The following WNT9A variants were observed in gnomAD, a reference collection of about 807,000 sequenced individuals.
WNT9A encodes Wnt family member 9A.
WNT9A carries 8 observed loss-of-function variants against 31.4 expected under a neutral mutation model. The observed-to-expected ratio is 0.26, with a 90% confidence interval of 0.15 to 0.46. WNT9A has a LOEUF of 0.46. WNT9A is among the 20% of genes least tolerant of loss of function. WNT9A has a pLI of 0.99. For synonymous variants in WNT9A, 236 were observed against 220.1 expected (o/e 1.07, Z -0.64); for missense variants, 457 against 522.9 (o/e 0.87, Z 1.23).
At chr1:227,945,222 C>G (rs768747209) in intron 1 of WNT9A, among the ~76,000 whole-genome samples, 2 of 152,242 alleles carry the variant, frequency 1.3e-5, no homozygotes. Context: ...TGAGTCTGTA[C>G]CCCAAGCCCT....
At chr1:227,923,880 T>C (rs1370848754) in intron 3 of WNT9A, among the ~76,000 whole-genome samples, 1 of 152,126 alleles carries the variant, frequency 6.6e-6, no homozygotes, top group African/African-American at 2.4e-5. Flanking sequence ...CAGGCAGACA[T>C]GGGGTACCCC....
In WNT9A at chr1:227,921,830, G is replaced by A. The variant is rs756129922; in HGVS notation, c.786C>T (p.Gly262=). 3.2e-5 allele frequency: 52 copies of A among 1,612,952 alleles called. No homozygotes were observed. The highest frequency in any genetic ancestry group is 4.0e-5 in the African/African-American group (3 of 74,942). Reference sequence around the variant, plus strand: ...GTGGTGGGGAGATGGCACCTGCCTCGCCGGCAGCTTCATTGGTGGTGCTGC... The same window carrying A: ...GTGGTGGGGAGATGGCACCTGCCTCACCGGCAGCTTCATTGGTGGTGCTGC... ...KVGSTTNEAA[G]EAGAISPPRG... Residue 262 remains glycine, a synonymous_variant, in exon 4 of 4, where the codon GGC becomes GGT. Transcript: ENST00000272164.
chr1:227,927,200 G>T (rs1445900953), intron 1 of WNT9A, among the ~76,000 whole-genome samples: 3 of 152,196 alleles, frequency 2.0e-5, no homozygotes, highest in Non-Finnish European at 4.4e-5. Flanking sequence ...GAACCACCAA[G>T]AGGTGCTGCA....
chr1:227,931,717 CATAT>C, intron 1 of WNT9A, among the ~76,000 whole-genome samples: 1 of 152,246 alleles, frequency 6.6e-6, no homozygotes, highest in Middle Eastern at 3.4e-3. Context: ...AAAAATAATA[CATAT>C]ACTTTAGTTA....
At chr1:227,929,969 T>A (rs1033094527) in intron 1 of WNT9A, among the ~76,000 whole-genome samples, 4 of 152,176 alleles carry the variant, frequency 2.6e-5, no homozygotes, top group Non-Finnish European at 4.4e-5. Context: ...GTGAGCAGCA[T>A]ACTTCTGTGT....
rs772729037 is a variant in WNT9A at position 227,921,798 on chromosome 1, C to T, written c.818G>A (p.Arg273His). 34 of 1,612,472 alleles carry T rather than the reference C, an allele frequency of 2.1e-5. No homozygotes were observed. The highest frequency in any genetic ancestry group is 1.6e-4 in the Middle Eastern group (1 of 6,082). ...EAGAISPPRG[R>H]ASGAGGSDPL... ...GTCGCTGCCACCTGCCCCCGAGGCA[C>T]GGCCCCGTGGTGGGGAGATGGCACC... The change falls in exon 4 of 4, where the codon CGT becomes CAT. Residue 273 changes from arginine to histidine, a missense_variant. By Grantham distance (29) the Arg-to-His change is conservative (BLOSUM62 0). Transcript: ENST00000272164.
At chr1:227,937,807 C>T (rs1048032296) in intron 1 of WNT9A, among the ~76,000 whole-genome samples, 2 of 152,254 alleles carry the variant, frequency 1.3e-5, no homozygotes, top group Non-Finnish European at 2.9e-5. Context: ...GCCAGCCAGT[C>T]TGTGGTGCCT....
chr1:227,938,996 G>A (rs930303183), intron 1 of WNT9A, among the ~76,000 whole-genome samples: 3 of 152,160 alleles, frequency 2.0e-5, no homozygotes, highest in African/African-American at 7.2e-5. Flanking sequence ...TGCTCTCCCC[G>A]GTGAAGGGCC....
intron 3 of WNT9A, among the ~76,000 whole-genome samples, chr1:227,923,278 G>C (rs995227328): frequency 6.6e-6 from 1 of 152,166 alleles, no homozygotes; most frequent in African/African-American, 2.4e-5. Context: ...TACATTCCCA[G>C]CCTGCCTGGC....
intron 1 of WNT9A, among the ~76,000 whole-genome samples, chr1:227,947,485 G>A (rs1666813496): frequency 1.3e-5 from 2 of 152,134 alleles, no homozygotes; most frequent in South Asian, 4.1e-4. Context: ...GCCCAAGGAA[G>A]TCGGGACCTG....
rs1359364669 is a variant in WNT9A at position 227,921,772 on chromosome 1, G to C, written c.844C>G (p.Pro282Ala). The C allele has an allele frequency of 1.9e-6, 3 of 1,612,304 alleles. No homozygotes were observed. The East Asian group carries it at 6.7e-5, about 36-fold the overall frequency. The change falls in exon 4 of 4, where the codon CCG becomes GCG. Residue 282 changes from proline (P) to alanine (A), a missense_variant. Transcript: ENST00000272164. ...GRASGAGGSD[P>A]LPRTPELVHL... is the part of the protein sequence containing the mutation. ...ACCAGCTCTGGAGTGCGGGGCAGCG[G>C]GTCGCTGCCACCTGCCCCCGAGGCA...
At position 227,921,381 on chromosome 1, in the gene WNT9A, T is replaced by C. The variant is rs1572121790; in HGVS notation, c.*137A>G. 1 of 1,382,198 alleles carries C rather than the reference T, an allele frequency of 7.2e-7. No individual in the cohort carries two copies. Among genetic ancestry groups the C allele is most frequent in the Admixed American group, 2.3e-5 (1 of 44,300 alleles). 85.6% of individuals were successfully genotyped at this position (1,382,198 alleles called of 1,614,324 possible). ...CTCAGCCCATGCAGGTGTAGACCCA[T>C]TCACACTGTGTGCAATGCCTGTACC... is the stretch of plus-strand genomic sequence containing the variant. On this transcript the variant is annotated 3_prime_UTR_variant, in exon 4 of 4. Transcript: ENST00000272164.
rs1276207900 is a variant in WNT9A, at chr1:227,947,804, G to A, written c.84C>T (p.Ala28=). ...TLLLAALRPS[A]AYFGLTGSEP... ...CCGAAGGCACCTACCCGAAGTAGGC[G>A]GCCGAAGGGCGCAGCGCGGCGAGCA... Residue 28 remains alanine, a synonymous_variant, in exon 1 of 4, where the codon GCC becomes GCT. Coordinates refer to ENST00000272164, the MANE Select transcript of WNT9A (RefSeq NM_003395.4). 3 of 1,094,892 alleles carry A rather than the reference G, an allele frequency of 2.7e-6. No individual in the cohort carries two copies. The highest frequency in any genetic ancestry group is 3.3e-6 in the Non-Finnish European group (3 of 900,936). 67.8% of individuals were successfully genotyped at this position (1,094,892 alleles called of 1,614,324 possible).
chr1:227,923,745 C>T (rs1285119735), intron 3 of WNT9A, among the ~76,000 whole-genome samples: 2 of 152,130 alleles, frequency 1.3e-5, no homozygotes, highest in African/African-American at 4.8e-5. Flanking sequence ...CTTCCTCCCA[C>T]CGGTCTTCGT....
intron 3 of WNT9A, 43 bp from the exon 4 acceptor site, chr1:227,922,043 C>T: frequency 1.3e-6 from 2 of 1,556,956 alleles, no homozygotes; most frequent in Non-Finnish European, 8.7e-7. Flanking sequence ...GAGGGCTGTG[C>T]AGGTGGGCCC....
chr1:227,926,427 C>A lies in WNT9A; in HGVS notation c.96-908G>T, dbSNP rs1572126211. On this transcript the variant is annotated intron_variant, in intron 1 of 3. Transcript: ENST00000272164. The surrounding 1 kb of genome is among the most constrained non-coding windows in gnomAD (Gnocchi z 5.0). ...ACTTCACAAGGCTTCCCTCACACCC[C>A]GCCCTGGCCCAGCCCAGCCCATATC... Among the ~76,000 whole-genome samples, 2 of 152,046 alleles carry A rather than the reference C, an allele frequency of 1.3e-5. No homozygotes were observed. The highest frequency in any genetic ancestry group is 4.8e-5 in the African/African-American group (2 of 41,396).
intron 1 of WNT9A, among the ~76,000 whole-genome samples, chr1:227,927,143 T>G (rs1026973926): frequency 6.6e-6 from 1 of 151,674 alleles, no homozygotes; most frequent in African/African-American, 2.4e-5. Flanking sequence ...GCCCTCGGAG[T>G]TGAGCCAGAG....
At position 227,919,761 on chromosome 1, in the gene WNT9A, ACAC is replaced by A. The variant is rs1666277291; in HGVS notation, c.*1754_*1756del. ...ATGCATTTATACAACACACGCTTAC[ACAC>A]ATTGACCACGCCAGCACACACGCAC... is the stretch of plus-strand genomic sequence containing the variant. On this transcript the variant is annotated 3_prime_UTR_variant, in exon 4 of 4. Coordinates refer to ENST00000272164, the MANE Select transcript of WNT9A (RefSeq NM_003395.4). 6.6e-6 allele frequency: 1 copy of A among 151,732 alleles called. No homozygotes were observed. The highest frequency in any genetic ancestry group is 6.6e-5 in the Admixed American group (1 of 15,126). The allele number at this position is 151,732 out of a possible 1,614,324, so 9.4% of individuals were successfully genotyped here.
chr1:227,924,977 G>A (rs1233960897), intron 2 of WNT9A, among the ~76,000 whole-genome samples: 6 of 152,136 alleles, frequency 3.9e-5, no homozygotes, highest in Admixed American at 1.3e-4. Context: ...GGCATGAGCC[G>A]AGGGCTGTCG....
Sources: allele counts gnomAD v4.1 joint callset (sites outside exome capture counted in the v4.1 genomes callset), GRCh38; gene constraint gnomAD v4.1.1; non-coding constraint Gnocchi (gnomAD v3.1); transcripts MANE v1.5; gene names NCBI Gene and HGNC (gene_info 2026-07-23, HGNC 2026-07-21).